Variants in ATP2B4 observed in about 807,000 individuals in gnomAD.
ATP2B4 encodes the protein ATPase plasma membrane Ca2+ transporting 4, also known as plasma membrane calcium-transporting ATPase 4.
ATP2B4 carries 39 observed loss-of-function variants against 110.3 expected under a neutral mutation model. That is an observed-to-expected ratio of 0.35 (90% confidence interval 0.27 to 0.46). The LOEUF (loss-of-function observed/expected upper bound fraction) is 0.46, where lower values mean the gene tolerates loss of function less well. Ranked by LOEUF, ATP2B4 falls within the 20% of genes least tolerant of loss-of-function variation. The probability of loss-of-function intolerance (pLI) is 1.00; values close to 1 mark genes in which losing one functional copy is unlikely to be tolerated. For missense variants in ATP2B4, 1,135 were observed against 1,530.9 expected, an observed-to-expected ratio of 0.74 and a Z score of 4.32; for synonymous variants, 538 against 571.7, an observed-to-expected ratio of 0.94 and a Z score of 0.84.
At chr1:203,692,878 C>T (rs1311442788) in intron 2 of ATP2B4, among the ~76,000 whole-genome samples, 1 of 152,152 alleles carries the variant, frequency 6.6e-6, no homozygotes, top group African/African-American at 2.4e-5. Context: ...CCGTGCACCT[C>T]CCCAGCATGG....
chr1:203,728,582 G>C (rs759061604), intron 20 of ATP2B4, among the ~76,000 whole-genome samples: 5 of 152,186 alleles, frequency 3.3e-5, no homozygotes, highest in Admixed American at 6.5e-5. Context: ...AGTCGGCCAG[G>C]CATGGTGGCT....
chr1:203,634,926 A>C (rs1663392896), intron 1 of ATP2B4, among the ~76,000 whole-genome samples: 1 of 152,138 alleles, frequency 6.6e-6, no homozygotes, highest in South Asian at 2.1e-4. Flanking sequence ...AGCTTCCCAA[A>C]GTGCGGGGAT....
At chr1:203,658,197 T>C (rs1375863166) in intron 1 of ATP2B4, among the ~76,000 whole-genome samples, 1 of 152,098 alleles carries the variant, frequency 6.6e-6, no homozygotes, top group Non-Finnish European at 1.5e-5. Context: ...CTCCAAGGTA[T>C]GCCTGTACTA....
intron 1 of ATP2B4, among the ~76,000 whole-genome samples, chr1:203,654,881 C>T (rs1379848153): frequency 2.5e-5 from 3 of 122,366 alleles, no homozygotes; most frequent in Non-Finnish European, 3.3e-5. Flanking sequence ...AGTGAGACCT[C>T]GTCTGGAAAA....
Position 203,709,350 on chromosome 1 carries a change from A to G in ATP2B4, c.1607A>G (p.Glu536Gly). 1 of 1,614,122 alleles carries G rather than the reference A, an allele frequency of 6.2e-7. No homozygotes were observed. The highest frequency in any genetic ancestry group is 8.5e-7 in the Non-Finnish European group (1 of 1,180,008). Reference protein sequence around the residue: ...GLPRQVGNKTECALLGFVTDL... With the variant: ...GLPRQVGNKTGCALLGFVTDL... ...CCTCGGCAGGTGGGCAACAAGACCG[A>G]GTGTGCTCTGCTAGGCTTTGTCACA... The change falls in exon 11 of 21, where the codon GAG becomes GGG. Residue 536 changes from glutamate to glycine, a missense_variant. Transcript: ENST00000357681.
At chr1:203,736,208 T>A (rs1392271642) in intron 20 of ATP2B4, among the ~76,000 whole-genome samples, 1 of 152,222 alleles carries the variant, frequency 6.6e-6, no homozygotes, top group East Asian at 1.9e-4. Flanking sequence ...CTCACGCCTG[T>A]AATCCCAGCA....
At chr1:203,670,004 T>C (rs538634218) in intron 1 of ATP2B4, among the ~76,000 whole-genome samples, 1 of 152,350 alleles carries the variant, frequency 6.6e-6, no homozygotes, top group East Asian at 1.9e-4. Flanking sequence ...CTTTCAACAA[T>C]GAGCCCTGTG....
Position 203,683,262 on chromosome 1 carries a change from A to C in ATP2B4, c.57A>C (p.Glu19Asp), listed in dbSNP as rs776509703. 2.4e-5 allele frequency: 39 copies of C among 1,614,106 alleles called. No homozygotes were observed. The highest frequency in any genetic ancestry group is 3.3e-5 in the Non-Finnish European group (39 of 1,180,042). ...CCAACTCGATGGCCGAGAGCCGTGA[A>C]GGGGACTTTGGCTGCACAGTAATGG... ...LPANSMAESR[E>D]GDFGCTVMEL... Residue 19 changes from glutamate to aspartate, a missense_variant, in exon 2 of 21, where the codon GAA becomes GAC. By Grantham distance (45) the Glu-to-Asp change is conservative. Around this residue, in one of 9 missense-constraint regions of ATP2B4, gnomAD observed 122 missense variants for 125.2 expected, o/e 0.97. Coordinates refer to ENST00000357681, the MANE Select transcript of ATP2B4 (RefSeq NM_001684.5).
chr1:203,732,157 C>CAAAAAA (rs567953858), intron 20 of ATP2B4, among the ~76,000 whole-genome samples: 4 of 48,108 alleles, frequency 8.3e-5, no homozygotes, highest in African/African-American at 2.8e-4. Flanking sequence ...GCCTGGGTGT[C>CAAAAAA]AAAAAAAAAA....
In ATP2B4 at chr1:203,710,886, A is replaced by T; in HGVS notation, c.1809A>T (p.Arg603=). 1 of 1,612,984 alleles carries T rather than the reference A, an allele frequency of 6.2e-7. No individual in the cohort carries two copies. Among genetic ancestry groups the T allele is most frequent in the Non-Finnish European group, 8.5e-7 (1 of 1,179,354 alleles). Residue 603 remains arginine, a synonymous_variant, in exon 12 of 21, where the codon CGA becomes CGT. Transcript: ENST00000357681. ...ASEIILRKCN[R]ILDRKGEAVP... Reference sequence around the variant, plus strand: ...CTGTGCGCCTCCCCAGGTGTAATCGAATCCTGGACCGGAAAGGGGAAGCAG... The same window carrying T: ...CTGTGCGCCTCCCCAGGTGTAATCGTATCCTGGACCGGAAAGGGGAAGCAG...
chr1:203,653,788 C>T (rs907009093), intron 1 of ATP2B4, among the ~76,000 whole-genome samples: 2 of 151,772 alleles, frequency 1.3e-5, no homozygotes, highest in Non-Finnish European at 2.9e-5. Flanking sequence ...AACTCCTGAC[C>T]TCAAGTGACC....
At chr1:203,735,196 T>C (rs1404429816) in intron 20 of ATP2B4, among the ~76,000 whole-genome samples, 2 of 152,170 alleles carry the variant, frequency 1.3e-5, no homozygotes, top group South Asian at 2.1e-4. Flanking sequence ...CCAGCACTTA[T>C]TTTGCACATA....
chr1:203,651,830 G>A (rs532828813), intron 1 of ATP2B4, among the ~76,000 whole-genome samples: 2 of 152,062 alleles, frequency 1.3e-5, no homozygotes, highest in East Asian at 3.9e-4. Context: ...TGCCGAGGCA[G>A]GGGGATCACC....
chr1:203,631,319 C>T (rs1253671842), intron 1 of ATP2B4, among the ~76,000 whole-genome samples: 2 of 152,252 alleles, frequency 1.3e-5, no homozygotes, highest in Non-Finnish European at 2.9e-5. Context: ...CTCACCTCTG[C>T]TCTAGTTTCC....
chr1:203,660,786 ACT>A (rs1260386724), intron 1 of ATP2B4, among the ~76,000 whole-genome samples: 5 of 150,480 alleles, frequency 3.3e-5, no homozygotes, highest in Admixed American at 1.3e-4. Flanking sequence ...CAAGGGTGAG[ACT>A]CTGTCTCAAA....
chr1:203,693,087 T>C (rs1665433076), intron 2 of ATP2B4, among the ~76,000 whole-genome samples: 1 of 152,218 alleles, frequency 6.6e-6, no homozygotes, highest in Non-Finnish European at 1.5e-5. Context: ...ATTCTCTCCC[T>C]GCCAAGTTTT....
At chr1:203,667,393 T>C (rs555641228) in intron 1 of ATP2B4, among the ~76,000 whole-genome samples, 4 of 152,330 alleles carry the variant, frequency 2.6e-5, no homozygotes, top group African/African-American at 9.6e-5. Context: ...GGAGTGGATA[T>C]GGGCAGCATT....
intron 20 of ATP2B4, chr1:203,729,806 C>T (rs1228126003): frequency 1.5e-6 from 2 of 1,303,854 alleles, no homozygotes. Context: ...CCAGAAGGTG[C>T]TTTACAGTGG....
Position 203,699,729 on chromosome 1 carries a change from G to A in ATP2B4, c.649+12G>A, listed in dbSNP as rs377304100. On this transcript the variant is annotated intron_variant, in intron 4 of 20. Coordinates refer to ENST00000357681, the MANE Select transcript of ATP2B4 (RefSeq NM_001684.5). ...CCAAGTCAAATACGGTGAGAGCTCC[G>A]TGTTTCTTTTGCTTACCCCACCACC... 69 of 1,611,914 alleles carry A rather than the reference G, an allele frequency of 4.3e-5. No homozygotes were observed. The highest frequency in any genetic ancestry group is 3.6e-4 in the Middle Eastern group (2 of 5,632).
Sources: allele counts gnomAD v4.1 joint callset (sites outside exome capture counted in the v4.1 genomes callset), GRCh38; gene constraint gnomAD v4.1.1; regional missense constraint gnomAD v4.1.1; transcripts MANE v1.5; gene names NCBI Gene and HGNC (gene_info 2026-07-23, HGNC 2026-07-21).